The following RNGTT variants were observed in gnomAD, a reference collection of about 807,000 sequenced individuals.
The protein encoded by RNGTT is mRNA-capping enzyme.
Under a neutral mutation model 79.3 loss-of-function variants are expected in RNGTT, and 33 were observed. That is an observed-to-expected ratio of 0.42 (90% CI 0.32 to 0.56). The LOEUF is 0.56. Among genes scored for constraint, RNGTT ranks in the 20% least tolerant of loss-of-function variants. The pLI is 0.17. For synonymous variants in RNGTT, 222 were observed against 235.9 expected, an observed-to-expected ratio of 0.94 and a Z score of 0.54; for missense variants, 497 against 739.1, an observed-to-expected ratio of 0.67 and a Z score of 3.80.
In RNGTT at chr6:88,740,806, T is replaced by C. The variant is rs147398505; in HGVS notation, c.1439+28968A>G. Among the ~76,000 whole-genome samples the C allele has an allele frequency of 3.7e-4, 56 of 152,118 alleles. No homozygotes were observed. The East Asian group carries it at 0.011, about 29-fold the overall frequency. On this transcript the variant is annotated intron_variant, in intron 13 of 15. Coordinates refer to ENST00000369485, the MANE Select transcript of RNGTT (RefSeq NM_003800.5). The stretch of plus-strand genomic sequence containing the variant: ...GGGAACGTAGGCAAGGATGGGTCAA[T>C]AGGTGCTGCAAACTACCATGGCACA...
intron 13 of RNGTT, among the ~76,000 whole-genome samples, chr6:88,748,323 C>T (rs1777732801): frequency 6.6e-6 from 1 of 152,098 alleles, no homozygotes; most frequent in Admixed American, 6.6e-5. Flanking sequence ...CTCCCTCCTT[C>T]ACTTAGTCAT....
At chr6:88,868,305 C>T (rs912411133) in intron 8 of RNGTT, among the ~76,000 whole-genome samples, 5 of 152,152 alleles carry the variant, frequency 3.3e-5, no homozygotes, top group African/African-American at 1.2e-4. Context: ...GAGTTGACAT[C>T]ATAGTCAAAG....
At chr6:88,931,187 T>TAAAAAAAAAAAAAAAAAA (rs34070183) in intron 2 of RNGTT, among the ~76,000 whole-genome samples, 1 of 101,938 alleles carries the variant, frequency 9.8e-6, no homozygotes, top group Non-Finnish European at 1.9e-5. Context: ...TATAAAGCTG[T>TAAAAAAAAAAAAAAAAAA]AAAAAAAAAA....
intron 1 of RNGTT, among the ~76,000 whole-genome samples, chr6:88,959,329 C>T (rs1355834128): frequency 6.6e-6 from 1 of 152,128 alleles, no homozygotes; most frequent in African/African-American, 2.4e-5. Context: ...CCAAAAACCA[C>T]CTGTCCCCCA....
chr6:88,836,870 T>C (rs1006072584), intron 11 of RNGTT, among the ~76,000 whole-genome samples: 32 of 152,160 alleles, frequency 2.1e-4, no homozygotes. Context: ...TCTCAACTTC[T>C]TGGCTAAGAT....
intron 8 of RNGTT, among the ~76,000 whole-genome samples, chr6:88,855,862 T>C (rs1043881622): frequency 2.0e-5 from 3 of 152,142 alleles, no homozygotes; most frequent in Non-Finnish European, 4.4e-5. Context: ...CTAAGCTACT[T>C]GGAAGAAGTA....
chr6:88,721,781 T>G (rs1445037762), intron 13 of RNGTT, among the ~76,000 whole-genome samples: 1 of 152,124 alleles, frequency 6.6e-6, no homozygotes, highest in Non-Finnish European at 1.5e-5. Flanking sequence ...TATTCTAGTC[T>G]GCCTGGACAT....
At chr6:88,864,839 C>T (rs983305384) in intron 8 of RNGTT, among the ~76,000 whole-genome samples, 1 of 152,078 alleles carries the variant, frequency 6.6e-6, no homozygotes, top group African/African-American at 2.4e-5. Flanking sequence ...TAGCCAGTCA[C>T]AACTGGACAA....
intron 12 of RNGTT, among the ~76,000 whole-genome samples, chr6:88,798,412 C>T (rs983071700): frequency 6.6e-6 from 1 of 151,836 alleles, no homozygotes; most frequent in African/African-American, 2.4e-5. Flanking sequence ...CTGCAGTAAG[C>T]CATGTTTGTG....
chr6:88,640,548 A>AG, intron 14 of RNGTT, among the ~76,000 whole-genome samples: 1 of 140,040 alleles, frequency 7.1e-6, no homozygotes, highest in African/African-American at 2.9e-5. Context: ...CCTTGTCTCA[A>AG]AAAAAAAAAA....
chr6:88,929,113 C>T (rs1378470085), intron 3 of RNGTT, 40 bp from the exon 4 acceptor site: 1 of 1,585,694 alleles, frequency 6.3e-7, no homozygotes, highest in Non-Finnish European at 8.6e-7. Context: ...AAAGAGATTA[C>T]AAATTGTGAT....
intron 11 of RNGTT, among the ~76,000 whole-genome samples, chr6:88,838,924 A>C (rs1781171318): frequency 6.6e-6 from 1 of 152,180 alleles, no homozygotes; most frequent in African/African-American, 2.4e-5. Flanking sequence ...AGATCAAGAG[A>C]ACTGAACAGA....
At position 88,769,754 on chromosome 6, in the gene RNGTT, G is replaced by A; in HGVS notation, c.1439+20C>T. 6.7e-7 allele frequency: 1 copy of A among 1,483,432 alleles called. No individual in the cohort carries two copies. The highest frequency in any genetic ancestry group is 9.4e-7 in the Non-Finnish European group (1 of 1,063,464). The allele number at this position is 1,483,432 out of a possible 1,614,324, so 91.9% of individuals were successfully genotyped here. A position where few individuals can be genotyped will look rare whatever the true frequency, so the allele number is the denominator to read the frequency against. On this transcript the variant is annotated intron_variant, in intron 13 of 15. Transcript: ENST00000369485. Reference sequence around the variant, plus strand: ...CAAACAGTATTATTTCATGCAAAAAGTACAAAAGTGCATACTTACCCTTCT... The same window carrying A: ...CAAACAGTATTATTTCATGCAAAAAATACAAAAGTGCATACTTACCCTTCT...
At chr6:88,785,491 GAA>G (rs886533111) in intron 12 of RNGTT, among the ~76,000 whole-genome samples, 1 of 149,932 alleles carries the variant, frequency 6.7e-6, no homozygotes, top group Non-Finnish European at 1.5e-5. Flanking sequence ...GATGAACAAG[GAA>G]AAAAAAATAA....
chr6:88,682,864 G>T (rs2756413), intron 13 of RNGTT, among the ~76,000 whole-genome samples: 40,333 of 152,024 alleles, frequency 0.27, 9,337 homozygotes, highest in African/African-American at 0.63. Flanking sequence ...TGTCTGTAAA[G>T]ACAGAAGTGT....
At chr6:88,901,357 G>A (rs1004306600) in intron 6 of RNGTT, among the ~76,000 whole-genome samples, 3 of 151,582 alleles carry the variant, frequency 2.0e-5, no homozygotes, top group African/African-American at 7.3e-5. Flanking sequence ...GAAATATCAT[G>A]GTAAAACTGC....
intron 14 of RNGTT, among the ~76,000 whole-genome samples, chr6:88,643,314 G>A (rs1194262607): frequency 1.3e-5 from 2 of 152,074 alleles, no homozygotes; most frequent in African/African-American, 2.4e-5. Context: ...GGGAAAGAAC[G>A]ATTGTATGGG....
chr6:88,880,496 ATAAAT>A (rs1279391961), intron 8 of RNGTT, among the ~76,000 whole-genome samples: 2 of 152,200 alleles, frequency 1.3e-5, no homozygotes, highest in African/African-American at 2.4e-5. Context: ...TGTGTATTAT[ATAAAT>A]ATGTAAGTCA....
At chr6:88,829,039 T>C (rs1582512127) in intron 11 of RNGTT, among the ~76,000 whole-genome samples, 1 of 151,808 alleles carries the variant, frequency 6.6e-6, no homozygotes, top group Non-Finnish European at 1.5e-5. Flanking sequence ...ACAGAGAACA[T>C]CACAAAGACA....
Sources: allele counts gnomAD v4.1 joint callset (sites outside exome capture counted in the v4.1 genomes callset), GRCh38; gene constraint gnomAD v4.1.1; transcripts MANE v1.5; gene names NCBI Gene and HGNC (gene_info 2026-07-23, HGNC 2026-07-21).